UQCRC1: variants seen among roughly 807,000 people sequenced by gnomAD.
UQCRC1 encodes the protein ubiquinol-cytochrome c reductase core protein 1, also known as cytochrome b-c1 complex subunit 1, mitochondrial.
In UQCRC1, 34 loss-of-function variants were observed where a neutral mutation model predicts 58.0. The ratio of observed to expected loss-of-function variants is 0.59; its 90% CI spans 0.45 to 0.78. UQCRC1 has a LOEUF of 0.78. Ranked by LOEUF, UQCRC1 falls within the 30% of genes least tolerant of loss-of-function variation. The pLI is 0.00. For synonymous variants in UQCRC1, 276 were observed against 248.8 expected, an observed-to-expected ratio of 1.11 and a Z score of -1.03; for missense variants, 610 against 646.0, an observed-to-expected ratio of 0.94 and a Z score of 0.60.
chr3:48,599,961 A>G (rs928573683), intron 11 of UQCRC1, 102 bp downstream of exon 11: 70 of 1,414,004 alleles, frequency 5.0e-5, no homozygotes, highest in Non-Finnish European at 6.3e-5. Flanking sequence ...GACACCAGGG[A>G]TGCCTATAGG....
At chr3:48,603,693 G>T (rs758923653) in intron 5 of UQCRC1, 50 bp from the exon 6 acceptor site, 5 of 1,560,724 alleles carry the variant, frequency 3.2e-6, no homozygotes, top group Non-Finnish European at 4.4e-6. Context: ...ACTGGAGTGA[G>T]TTGGGGTACA....
At chr3:48,604,856 C>T in intron 3 of UQCRC1, 76 bp from the exon 4 acceptor site, 1 of 1,583,054 alleles carries the variant, frequency 6.3e-7, no homozygotes, top group Non-Finnish European at 8.6e-7. Flanking sequence ...GGCTAAACAC[C>T]CAGCAGGACC....
intron 2 of UQCRC1, among the ~76,000 whole-genome samples, chr3:48,608,109 TCCAGGCCTGGAC>T (rs1427107189): frequency 1.3e-5 from 2 of 152,208 alleles, no homozygotes; most frequent in African/African-American, 4.8e-5. Context: ...GGTGTGAGCC[TCCAGGCCTGGAC>T]CCATTAAGTA....
intron 12 of UQCRC1, 101 bp downstream of exon 12, chr3:48,599,534 G>A: frequency 2.2e-6 from 3 of 1,335,816 alleles, no homozygotes; most frequent in South Asian, 1.2e-5. Context: ...TTAACTGGCT[G>A]CTCTGTAAGC....
chr3:48,607,732 TG>T (rs2046427092), intron 2 of UQCRC1, among the ~76,000 whole-genome samples: 2 of 152,176 alleles, frequency 1.3e-5, no homozygotes, highest in East Asian at 3.9e-4. Context: ...CCCACAAGTG[TG>T]ATGTCATTAC....
Position 48,601,130 on chromosome 3 carries a change from C to T in UQCRC1, c.823-12G>A, listed in dbSNP as rs1211121101. ...TCACGGTGGCGGATCTGAAACAGTA[C>T]ATGACAAGGCTGAGGAACAGCCAGA... is the stretch of plus-strand genomic sequence containing the variant. On this transcript the variant is annotated splice_polypyrimidine_tract_variant and intron_variant, in intron 7 of 12. Coordinates refer to ENST00000203407, the MANE Select transcript of UQCRC1 (RefSeq NM_003365.3). 4 of 1,591,040 alleles carry T rather than the reference C, an allele frequency of 2.5e-6. No individual in the cohort carries two copies. Among genetic ancestry groups the T allele is most frequent in the Non-Finnish European group, 3.4e-6 (4 of 1,164,286 alleles).
intron 3 of UQCRC1, 125 bp from the exon 4 acceptor site, chr3:48,604,905 G>A: frequency 7.5e-7 from 1 of 1,336,808 alleles, no homozygotes; most frequent in Non-Finnish European, 1.0e-6. Flanking sequence ...AGACTCTGGG[G>A]ACACAGATCC....
chr3:48,601,038 A>G lies in UQCRC1; in HGVS notation c.903T>C (p.Asn301=), dbSNP rs1575512143. The change falls in exon 8 of 13, where the codon AAT becomes AAC. Residue 301 remains asparagine (N), a synonymous_variant. Transcript: ENST00000203407. Reference sequence around the variant, plus strand: ...TGGCATTGGCCACTTGCAAGGCCACATTGTCCGGGCTGGCCCAGCCAGGAC... The same window carrying G: ...TGGCATTGGCCACTTGCAAGGCCACGTTGTCCGGGCTGGCCCAGCCAGGAC... ...VEGPGWASPD[N]VALQVANAII... is the part of the protein sequence containing the mutation. The G allele has an allele frequency of 3.7e-6, 6 of 1,610,610 alleles. No individual in the cohort carries two copies. The highest frequency in any genetic ancestry group is 5.1e-6 in the Non-Finnish European group (6 of 1,177,124).
chr3:48,600,598 T>G (rs1022288770), intron 9 of UQCRC1, 31 bp from the exon 10 acceptor site: 1 of 1,614,128 alleles, frequency 6.2e-7, no homozygotes, highest in East Asian at 2.2e-5. Flanking sequence ...GTATTCATTC[T>G]GAGCCAGTGT....
intron 2 of UQCRC1, among the ~76,000 whole-genome samples, chr3:48,606,430 T>C (rs1395464708): frequency 6.6e-6 from 1 of 152,212 alleles, no homozygotes; most frequent in African/African-American, 2.4e-5. Flanking sequence ...ATTAATTTTC[T>C]TGACAGCCTC....
In UQCRC1 at chr3:48,601,071, T is replaced by G. The variant is rs755171129; in HGVS notation, c.870A>C (p.Ala290=). ...DALPFAHVAI[A]VEGPGWASPD... ...GGCTGGCCCAGCCAGGACCCTCTAC[T>G]GCAATGGCCACGTGGGCAAAAGGTA... Residue 290 remains alanine (A), a synonymous_variant, in exon 8 of 13, where the codon GCA becomes GCC. Coordinates refer to ENST00000203407, the MANE Select transcript of UQCRC1 (RefSeq NM_003365.3). 32 of 1,608,818 alleles carry G rather than the reference T, an allele frequency of 2.0e-5. No individual in the cohort carries two copies. In the East Asian group the frequency reaches 7.2e-4, roughly 36 times the overall value.
chr3:48,604,683 TA>T lies in UQCRC1; in HGVS notation c.394del (p.Tyr132ThrfsTer36). On this transcript the variant is annotated frameshift_variant, in exon 4 of 13. Coordinates refer to ENST00000203407, the MANE Select transcript of UQCRC1 (RefSeq NM_003365.3). LOFTEE classifies it high-confidence loss of function. ...CAGATCCTTGGACAGCGCCTTGATGTAGTAAGCTGTGTGCTCCCGGGTGCTG... is the reference window on the plus strand; with the variant it reads ...CAGATCCTTGGACAGCGCCTTGATGTGTAAGCTGTGTGCTCCCGGGTGCTG... ...AYSTREHTAY[Y>X]IKALSKDLPK... 6.2e-7 allele frequency: 1 copy of T among 1,614,184 alleles called. No homozygotes were observed. Among genetic ancestry groups the T allele is most frequent in the Non-Finnish European group, 8.5e-7 (1 of 1,180,024 alleles).
chr3:48,609,321 G>A lies in UQCRC1; in HGVS notation c.70-19C>T. The stretch of plus-strand genomic sequence containing the variant: ...GGGCCGGCTGTGGAAGGGAACAGCC[G>A]CGAGTGAGGACTCGGTCAGGGGATC... On this transcript the variant is annotated intron_variant, in intron 1 of 12. Transcript: ENST00000203407. 1 of 1,594,992 alleles carries A rather than the reference G, an allele frequency of 6.3e-7. No homozygotes were observed. The highest frequency in any genetic ancestry group is 8.6e-7 in the Non-Finnish European group (1 of 1,168,334).
At chr3:48,604,033 A>C in intron 5 of UQCRC1, 200 bp downstream of exon 5, 1 of 641,924 alleles carries the variant, frequency 1.6e-6, no homozygotes, top group Non-Finnish European at 2.7e-6. Context: ...ACATACCTTA[A>C]AACAAAGCCC....
chr3:48,605,897 TC>T (rs1163994142), intron 2 of UQCRC1, 41 bp from the exon 3 acceptor site: 4 of 1,596,572 alleles, frequency 2.5e-6, no homozygotes, highest in Non-Finnish European at 3.4e-6. Context: ...AACAAACCAC[TC>T]CCCAGCCCCC....
At chr3:48,599,328 A>G in intron 12 of UQCRC1, 136 bp from the exon 13 acceptor site, 1 of 1,061,364 alleles carries the variant, frequency 9.4e-7, no homozygotes, top group Non-Finnish European at 1.4e-6. Flanking sequence ...AGGAGAGAAC[A>G]TTCCCCCAGG....
rs2046345250 is a variant in UQCRC1 at position 48,599,801 on chromosome 3, C to T, written c.1303-91G>A. The T allele has an allele frequency of 3.6e-6, 5 of 1,372,612 alleles. No individual in the cohort carries two copies. In the South Asian group the frequency reaches 4.7e-5, roughly 13 times the overall value. The allele number at this position is 1,372,612 out of a possible 1,614,324, so 85.0% of individuals were successfully genotyped here. A position where few individuals can be genotyped will look rare whatever the true frequency, so the allele number is the denominator to read the frequency against. ...TCATCCAACTAGCAGAGATCTCCCA[C>T]AGGCAGCATGCAGCTGTCCCCAGCC... On this transcript the variant is annotated intron_variant, in intron 11 of 12. Transcript: ENST00000203407.
At chr3:48,604,560 G>T in intron 4 of UQCRC1, 91 bp downstream of exon 4, 1 of 1,598,188 alleles carries the variant, frequency 6.3e-7, no homozygotes, top group South Asian at 1.1e-5. Context: ...ATACGCTAAG[G>T]GTAATATGAT....
rs369877693 is a variant in UQCRC1 at position 48,605,662 on chromosome 3, C to T, written c.297+108G>A. The T allele has an allele frequency of 6.7e-5, 74 of 1,100,800 alleles. No homozygotes were observed. The African/African-American group carries it at 1.1e-3, about 17-fold the overall frequency. The allele number at this position is 1,100,800 out of a possible 1,614,324, so 68.2% of individuals were successfully genotyped here. A position where few individuals can be genotyped will look rare whatever the true frequency, so the allele number is the denominator to read the frequency against. On this transcript the variant is annotated intron_variant, in intron 3 of 12. Transcript: ENST00000203407. ...CCTTTTAGGAAAGCCAGCCAGACAT[C>T]AGCCCCGCAACTGAGGCCCATAATC...
Sources: gnomAD v4.1 joint callset for allele counts (sites outside exome capture counted in the v4.1 genomes callset) on GRCh38, gnomAD v4.1.1 for gene constraint, MANE v1.5 for transcripts, NCBI Gene and HGNC (gene_info 2026-07-23, HGNC 2026-07-21) for gene names.